Variants in CCDC14 observed in about 807,000 individuals in gnomAD.
CCDC14 encodes the protein coiled-coil domain containing 14.
CCDC14 carries 71 observed loss-of-function variants against 81.4 expected under a neutral mutation model. The observed-to-expected ratio is 0.87, with a 90% CI of 0.72 to 1.06. The LOEUF (loss-of-function observed/expected upper bound fraction) is 1.06, where lower values mean the gene tolerates loss of function less well. Among genes scored for constraint, CCDC14 ranks in the 50% least tolerant of loss-of-function variants. The pLI, the probability that CCDC14 is intolerant of heterozygous loss-of-function variation, is 0.00. For synonymous variants in CCDC14, 332 were observed against 364.8 expected (o/e 0.91, Z 1.03); for missense variants, 1,046 against 1,047.3 (o/e 1.00, Z 0.02).
chr3:123,921,295 T>C (rs1377588310), intron 12 of CCDC14, among the ~76,000 whole-genome samples: 1 of 152,180 alleles, frequency 6.6e-6, no homozygotes. Flanking sequence ...AGGCTCACTC[T>C]AAGGTAAAGC....
chr3:123,928,867 T>C (rs1000036252), intron 12 of CCDC14, among the ~76,000 whole-genome samples: 1 of 152,212 alleles, frequency 6.6e-6, no homozygotes, highest in Non-Finnish European at 1.5e-5. Context: ...ATTCTACTAA[T>C]ACTTAATTTG....
At chr3:123,898,192 G>A (rs1399232015) in intron 5 of CCDC14, among the ~76,000 whole-genome samples, 3 of 152,128 alleles carry the variant, frequency 2.0e-5, no homozygotes, top group Admixed American at 1.3e-4. Flanking sequence ...TTCTGGACCC[G>A]AATTTCCTAA....
chr3:123,886,826 T>C, the CCDC14 span, among the ~76,000 whole-genome samples: 1 of 152,224 alleles, frequency 6.6e-6, no homozygotes, highest in Non-Finnish European at 1.5e-5. Flanking sequence ...ACTTCATTTT[T>C]TTATATTCTA....
At chr3:123,924,965 A>G (rs1344972686) in intron 12 of CCDC14, among the ~76,000 whole-genome samples, 2 of 151,598 alleles carry the variant, frequency 1.3e-5, no homozygotes, top group Non-Finnish European at 2.9e-5. Context: ...ACACACACAC[A>G]CACACACACA....
At chr3:123,896,563 A>G (rs1409101762), downstream of CCDC14, among the ~76,000 whole-genome samples, 3 of 152,186 alleles carry the variant, frequency 2.0e-5, no homozygotes, top group Non-Finnish European at 4.4e-5. Flanking sequence ...CAAATAGCAC[A>G]TGATCTCACT....
chr3:123,895,059 T>C (rs914051175), downstream of CCDC14, among the ~76,000 whole-genome samples: 6 of 152,160 alleles, frequency 3.9e-5, no homozygotes, highest in African/African-American at 1.2e-4. Context: ...CAGTGAGAAA[T>C]TGTCTGTTTC....
rs544664343 is a variant in CCDC14, at chr3:123,932,026, T to C, written c.1427-500A>G. On this transcript the variant is annotated intron_variant, in intron 10 of 12. Transcript: ENST00000409697. The stretch of plus-strand genomic sequence containing the variant: ...CATAAGACTGTTGTATACAAACACA[T>C]AGATCTATCACGTTCTTTTTCATGG... Among the ~76,000 whole-genome samples, 17 of 152,334 alleles carry C rather than the reference T, an allele frequency of 1.1e-4. No homozygotes were observed. The South Asian group carries it at 3.5e-3, about 32-fold the overall frequency.
At chr3:123,950,601 T>C (rs374323183) in intron 5 of CCDC14, among the ~76,000 whole-genome samples, 3 of 152,246 alleles carry the variant, frequency 2.0e-5, no homozygotes, top group African/African-American at 7.2e-5. Context: ...TGGAAACAGA[T>C]GTCAGGAAAA....
At chr3:123,958,092 G>C (rs1559811175) in intron 1 of CCDC14, 1 of 152,010 alleles carries the variant, frequency 6.6e-6, no homozygotes, top group Non-Finnish European at 1.5e-5. Context: ...TATGATGGAG[G>C]GTCATGAAGC....
At chr3:123,950,575 A>C (rs1485362759) in intron 5 of CCDC14, among the ~76,000 whole-genome samples, 1 of 152,206 alleles carries the variant, frequency 6.6e-6, no homozygotes, top group Non-Finnish European at 1.5e-5. Flanking sequence ...GTCATCAAAC[A>C]GGTAAAAGTC....
chr3:123,950,524 C>G (rs2036942812), intron 5 of CCDC14, among the ~76,000 whole-genome samples: 1 of 152,128 alleles, frequency 6.6e-6, no homozygotes, highest in Admixed American at 6.5e-5. Flanking sequence ...TGAAAGTGGT[C>G]AAACACAAGG....
chr3:123,901,600 T>C (rs1189444219), intron 5 of CCDC14, among the ~76,000 whole-genome samples: 1 of 152,174 alleles, frequency 6.6e-6, no homozygotes, highest in Non-Finnish European at 1.5e-5. Flanking sequence ...GGAGATTATA[T>C]GTACACACTA....
rs1423531432 is a variant in CCDC14, at chr3:123,961,150, C to A, written c.24G>T (p.Pro8=). The A allele has an allele frequency of 6.4e-7, 1 of 1,551,480 alleles. No individual in the cohort carries two copies. The highest frequency in any genetic ancestry group is 8.7e-7 in the Non-Finnish European group (1 of 1,146,924). Residue 8 remains proline (P), a synonymous_variant, in exon 1 of 13, where the codon CCG becomes CCT. Transcript: ENST00000409697. ...TCAGGTCCTCAGCCCTCACCTGGCC[C>A]GGTCGAGCTCCAGACCTGACCATCT... MVRSGAR[P]GQVLSSGRHT...
At chr3:123,898,717 T>C (rs1247959420) in intron 5 of CCDC14, among the ~76,000 whole-genome samples, 1 of 152,192 alleles carries the variant, frequency 6.6e-6, no homozygotes, top group Non-Finnish European at 1.5e-5. Flanking sequence ...AGACAGGGTC[T>C]TGCTCTGTCA....
chr3:123,929,806 T>C (rs2035596412), intron 12 of CCDC14, among the ~76,000 whole-genome samples: 1 of 152,212 alleles, frequency 6.6e-6, no homozygotes, highest in African/African-American at 2.4e-5. Flanking sequence ...CTACTTTGTG[T>C]CTCTGTGAAT....
At chr3:123,900,859 T>C (rs1394139309) in intron 5 of CCDC14, among the ~76,000 whole-genome samples, 1 of 152,162 alleles carries the variant, frequency 6.6e-6, no homozygotes, top group African/African-American at 2.4e-5. Context: ...AGAGTTTTTA[T>C]TGGAATTAGA....
chr3:123,899,019 C>A (rs1271590475), intron 5 of CCDC14, among the ~76,000 whole-genome samples: 1 of 151,858 alleles, frequency 6.6e-6, no homozygotes, highest in African/African-American at 2.4e-5. Context: ...CATGCCAGGA[C>A]AACAGTACAT....
Position 123,914,178 on chromosome 3 carries a change from C to T in CCDC14, c.*601G>A. Reference sequence around the variant, plus strand: ...TTTGGGATAAAAACAAATAAAAGTGCCCAAGTTTTAAGAAGCCATATGTTA... The same window carrying T: ...TTTGGGATAAAAACAAATAAAAGTGTCCAAGTTTTAAGAAGCCATATGTTA... On this transcript the variant is annotated 3_prime_UTR_variant, in exon 13 of 13. Transcript: ENST00000409697. The T allele has an allele frequency of 1.0e-6, 1 of 984,700 alleles. No individual in the cohort carries two copies. Among genetic ancestry groups the T allele is most frequent in the Non-Finnish European group, 1.2e-6 (1 of 829,054 alleles). 61.0% of individuals were successfully genotyped at this position (984,700 alleles called of 1,614,324 possible). A position where few individuals can be genotyped will look rare whatever the true frequency, so the allele number is the denominator to read the frequency against.
downstream of CCDC14, among the ~76,000 whole-genome samples, chr3:123,897,127 A>G (rs2034077163): frequency 6.6e-6 from 1 of 152,214 alleles, no homozygotes; most frequent in South Asian, 2.1e-4. Flanking sequence ...TGTAATTCCA[A>G]AATCTGAAAA....
Sources: gnomAD v4.1 joint callset for allele counts (sites outside exome capture counted in the v4.1 genomes callset) on GRCh38, gnomAD v4.1.1 for gene constraint, MANE v1.5 for transcripts, NCBI Gene and HGNC (gene_info 2026-07-23, HGNC 2026-07-21) for gene names.